The following HORMAD2 variants were observed in gnomAD, a reference collection of about 807,000 sequenced individuals.
HORMAD2 encodes HORMA domain-containing protein 2.
HORMAD2 carries 45 observed loss-of-function variants against 38.8 expected under a neutral mutation model. The observed-to-expected ratio is 1.16, with a 90% CI of 0.91 to 1.49. HORMAD2 has a LOEUF of 1.49. Ranked by LOEUF, HORMAD2 falls within the 40% of genes most tolerant of loss-of-function variation. HORMAD2 has a pLI of 0.00. For synonymous variants in HORMAD2, 126 were observed against 122.8 expected, an observed-to-expected ratio of 1.03 and a Z score of -0.17; for missense variants, 338 against 367.0, an observed-to-expected ratio of 0.92 and a Z score of 0.65.
At chr22:30,099,415 C>T (rs753474007) in intron 3 of HORMAD2, among the ~76,000 whole-genome samples, 5 of 152,158 alleles carry the variant, frequency 3.3e-5, no homozygotes, top group Admixed American at 2.6e-4. Context: ...ATAAAAAAGC[C>T]AAACTCACTT....
At chr22:30,130,586 C>CTTTTTTTTTTTTTTTTTT (rs66636269) in intron 10 of HORMAD2, among the ~76,000 whole-genome samples, 1 of 87,912 alleles carries the variant, frequency 1.1e-5, no homozygotes, top group Non-Finnish European at 2.3e-5. Flanking sequence ...CTTTTCTTTT[C>CTTTTTTTTTTTTTTTTTT]TTTTTTTTTT....
chr22:30,196,442 G>A, the HORMAD2 span, among the ~76,000 whole-genome samples: 5 of 152,180 alleles, frequency 3.3e-5, no homozygotes, highest in Admixed American at 6.5e-5. Context: ...CTGAGCTGCC[G>A]GCACGCCTCC....
rs1465594561 is a variant in HORMAD2, at chr22:30,111,811, C to T, written c.310C>T (p.Leu104=). 1 of 1,570,284 alleles carries T rather than the reference C, an allele frequency of 6.4e-7. No individual in the cohort carries two copies. The highest frequency in any genetic ancestry group is 1.8e-5 in the Admixed American group (1 of 54,104). ...TCTCTTGAAGCTACGTATGGCAGTA[C>T]TGACAGTAAGTACACACTCATTTAA... ...LEKRYLRMAV[L]TLYTDPMGSE... Residue 104 remains leucine, a synonymous_variant, in exon 6 of 11, where the codon CTG becomes TTG. Coordinates refer to ENST00000336726, the MANE Select transcript of HORMAD2 (RefSeq NM_152510.4).
chr22:30,158,258 A>G (rs1382802233), intron 10 of HORMAD2, among the ~76,000 whole-genome samples: 1 of 148,662 alleles, frequency 6.7e-6, no homozygotes, highest in East Asian at 2.0e-4. Flanking sequence ...TCCACAAAGT[A>G]AAAAAAAAAC....
chr22:30,150,433 T>A (rs996790393), intron 10 of HORMAD2, among the ~76,000 whole-genome samples: 1 of 152,204 alleles, frequency 6.6e-6, no homozygotes, highest in African/African-American at 2.4e-5. Flanking sequence ...TATCTCTATA[T>A]AGAGTCTTTC....
intron 10 of HORMAD2, among the ~76,000 whole-genome samples, chr22:30,153,371 A>G (rs554266199): frequency 1.4e-4 from 22 of 151,914 alleles, no homozygotes; most frequent in Non-Finnish European, 2.6e-4. Flanking sequence ...CATGAGTCTT[A>G]TTTCCAGCAT....
intron 1 of HORMAD2, among the ~76,000 whole-genome samples, chr22:30,082,510 G>T (rs951942595): frequency 1.3e-5 from 2 of 151,970 alleles, no homozygotes; most frequent in Non-Finnish European, 2.9e-5. Context: ...GCAATTGAAG[G>T]CGTGGTGTGG....
At chr22:30,130,586 CTTTTTTTTTT>C (rs66636269) in intron 10 of HORMAD2, among the ~76,000 whole-genome samples, 2 of 87,914 alleles carry the variant, frequency 2.3e-5, no homozygotes, top group Admixed American at 1.4e-4. Context: ...CTTTTCTTTT[CTTTTTTTTTT>C]TTTTTTTTTT....
the HORMAD2 span, among the ~76,000 whole-genome samples, chr22:30,184,199 G>T: frequency 6.6e-6 from 1 of 152,150 alleles, no homozygotes; most frequent in Non-Finnish European, 1.5e-5. Context: ...CTACTAATGG[G>T]TCTTCCATAA....
chr22:30,104,291 G>T (rs1921023758), intron 4 of HORMAD2, 110 bp from the exon 5 acceptor site: 1 of 796,872 alleles, frequency 1.3e-6, no homozygotes, highest in African/African-American at 1.7e-5. Flanking sequence ...AGGTAAGATG[G>T]TTATCAACTT....
chr22:30,168,344 G>T (rs113862640), intron 10 of HORMAD2, among the ~76,000 whole-genome samples: 1 of 151,830 alleles, frequency 6.6e-6, no homozygotes, highest in Non-Finnish European at 1.5e-5. Flanking sequence ...TCATTCCTTC[G>T]GACCTCAGAA....
At chr22:30,148,173 C>G (rs987340635) in intron 10 of HORMAD2, among the ~76,000 whole-genome samples, 8 of 151,762 alleles carry the variant, frequency 5.3e-5, no homozygotes, top group Admixed American at 1.3e-4. Context: ...AAAGAACAAA[C>G]AAATGATACA....
the HORMAD2 span, among the ~76,000 whole-genome samples, chr22:30,184,261 G>A: frequency 6.6e-6 from 1 of 152,154 alleles, no homozygotes; most frequent in Non-Finnish European, 1.5e-5. Context: ...AAACTTCCCA[G>A]CATAATGAAA....
intron 1 of HORMAD2, among the ~76,000 whole-genome samples, chr22:30,088,097 A>G (rs1184715775): frequency 1.3e-5 from 2 of 151,286 alleles, no homozygotes; most frequent in Admixed American, 6.6e-5. Flanking sequence ...ATATACACAC[A>G]CGTACACACG....
chr22:30,205,663 A>C, the HORMAD2 span, among the ~76,000 whole-genome samples: 4 of 152,072 alleles, frequency 2.6e-5, no homozygotes, highest in East Asian at 7.7e-4. Flanking sequence ...AAAGTACTGT[A>C]TTTCCCCCTT....
At chr22:30,104,367 G>A (rs1435224051) in intron 4 of HORMAD2, 34 bp from the exon 5 acceptor site, 2 of 1,593,330 alleles carry the variant, frequency 1.3e-6, no homozygotes, top group Admixed American at 3.5e-5. Flanking sequence ...TTTGCATATG[G>A]TCCAATTGAC....
In HORMAD2 at chr22:30,145,563, C is replaced by A. The variant is rs546999874; in HGVS notation, c.819+23349C>A. On this transcript the variant is annotated intron_variant, in intron 10 of 10. Coordinates refer to ENST00000336726, the MANE Select transcript of HORMAD2 (RefSeq NM_152510.4). ...TACCATATCTGAAATTTTAAAATAT[C>A]ACTGGATGGGTTTAACAGCAGATTA... Among the ~76,000 whole-genome samples, 3 of 152,142 alleles carry A rather than the reference C, an allele frequency of 2.0e-5. No homozygotes were observed. In the South Asian group the frequency reaches 6.2e-4, roughly 32 times the overall value.
intron 10 of HORMAD2, among the ~76,000 whole-genome samples, chr22:30,134,775 G>T (rs1923545088): frequency 6.6e-6 from 1 of 151,888 alleles, no homozygotes; most frequent in African/African-American, 2.4e-5. Flanking sequence ...TTTATATTGA[G>T]GCCTACTATG....
intron 10 of HORMAD2, among the ~76,000 whole-genome samples, chr22:30,133,956 A>ACTACCT (rs1244140324): frequency 6.6e-6 from 1 of 152,108 alleles, no homozygotes; most frequent in Non-Finnish European, 1.5e-5. Context: ...TTTATGAGCC[A>ACTACCT]CTACCTAGGT....
Sources: gnomAD v4.1 joint callset for allele counts (sites outside exome capture counted in the v4.1 genomes callset) on GRCh38, gnomAD v4.1.1 for gene constraint, MANE v1.5 for transcripts, NCBI Gene and HGNC (gene_info 2026-07-23, HGNC 2026-07-21) for gene names.